DNAJB6: variants seen among roughly 807,000 people sequenced by gnomAD.
DNAJB6 encodes the protein DnaJ heat shock protein family (Hsp40) member B6, also known as dnaJ homolog subfamily B member 6.
In DNAJB6, 16 loss-of-function variants were observed where a neutral mutation model predicts 42.7. The observed-to-expected ratio is 0.37, with a 90% confidence interval of 0.25 to 0.57. The LOEUF (loss-of-function observed/expected upper bound fraction) is 0.57, where lower values mean the gene tolerates loss of function less well. Ranked by LOEUF, DNAJB6 falls within the 20% of genes least tolerant of loss-of-function variation. The pLI is 0.74. For synonymous variants in DNAJB6, 170 were observed against 163.5 expected (o/e 1.04, Z -0.30); for missense variants, 347 against 416.8 (o/e 0.83, Z 1.46).
chr7:157,374,421 G>A lies in DNAJB6; in HGVS notation c.346+6938G>A, dbSNP rs938441471. Among the ~76,000 whole-genome samples the A allele has an allele frequency of 5.3e-5, 8 of 152,066 alleles. No individual in the cohort carries two copies. The South Asian group carries it at 8.3e-4, about 16-fold the overall frequency. ...ATTACAGACATGTGCCACCGCGCCC[G>A]GCTAATTTTGTATTTTTATGAGAGA... On this transcript the variant is annotated intron_variant, in intron 5 of 9. Coordinates refer to ENST00000262177, the MANE Select transcript of DNAJB6 (RefSeq NM_058246.4).
chr7:157,381,922 C>A, intron 5 of DNAJB6: 1 of 175,794 alleles, frequency 5.7e-6, no homozygotes, highest in Non-Finnish European at 1.2e-5. Context: ...GCGTCTTGAC[C>A]TCACATCAGT....
At chr7:157,354,504 A>G (rs1298661478) in intron 1 of DNAJB6, among the ~76,000 whole-genome samples, 1 of 151,704 alleles carries the variant, frequency 6.6e-6, no homozygotes, top group Non-Finnish European at 1.5e-5. Flanking sequence ...TTTTGGAGAC[A>G]GGTCTCGCTC....
chr7:157,366,561 G>A lies in DNAJB6; in HGVS notation c.235G>A (p.Gly79Ser), dbSNP rs1484151180. The A allele has an allele frequency of 1.2e-5, 20 of 1,613,630 alleles. No individual in the cohort carries two copies. The highest frequency in any genetic ancestry group is 1.5e-5 in the Non-Finnish European group (18 of 1,179,806). Residue 79 changes from glycine to serine, a missense_variant and splice_region_variant, in exon 4 of 10, where the codon GGT (glycine) becomes AGT (serine). Around this residue, in one of 3 missense-constraint regions of DNAJB6, gnomAD observed 78 missense variants for 102.1 expected, o/e 0.76. Coordinates refer to ENST00000262177, the MANE Select transcript of DNAJB6 (RefSeq NM_058246.4). Reference protein sequence around the residue: ...GKEGLNGGGGGGSHFDSPFEF... With the variant: ...GKEGLNGGGGSGSHFDSPFEF... ...AGAAGGATTAAATGGTGGAGGAGGA[G>A]GTAAGTACGTGAGTTTTTTCTTTGA...
chr7:157,376,881 G>A (rs1260242129), intron 5 of DNAJB6, among the ~76,000 whole-genome samples: 1 of 152,080 alleles, frequency 6.6e-6, no homozygotes, highest in Non-Finnish European at 1.5e-5. Context: ...CTCCGTCTTG[G>A]GAAAACAAAC....
At chr7:157,401,295 C>G (rs771594259) in intron 8 of DNAJB6, among the ~76,000 whole-genome samples, 6 of 152,228 alleles carry the variant, frequency 3.9e-5, no homozygotes, top group Non-Finnish European at 8.8e-5. Context: ...CTTGGTTCAC[C>G]GCTACCTCCA....
intron 5 of DNAJB6, chr7:157,381,026 C>G (rs1391992041): frequency 6.6e-6 from 1 of 151,294 alleles, no homozygotes; most frequent in Non-Finnish European, 1.5e-5. Flanking sequence ...GAGACAAAGT[C>G]TTGCTGTGTT....
chr7:157,379,559 T>G (rs566189578), intron 5 of DNAJB6: 1 of 152,192 alleles, frequency 6.6e-6, no homozygotes, highest in African/African-American at 2.4e-5. Flanking sequence ...TGATCATAGC[T>G]CCCTGCAGCC....
intron 5 of DNAJB6, chr7:157,380,999 AT>A (rs10715969): frequency 0.56 from 82,748 of 148,630 alleles, 22,961 homozygotes; most frequent in East Asian, 0.76. Flanking sequence ...TAGTCACTGC[AT>A]TTTTTTTTTT....
At chr7:157,367,322 C>T in intron 4 of DNAJB6, 51 bp from the exon 5 acceptor site, 2 of 1,196,688 alleles carry the variant, frequency 1.7e-6, no homozygotes, top group Non-Finnish European at 2.5e-6. Flanking sequence ...GAATTCTTTG[C>T]CTACAAAGCA....
chr7:157,349,260 TTATAAA>T (rs1798848450), intron 1 of DNAJB6, among the ~76,000 whole-genome samples: 1 of 152,170 alleles, frequency 6.6e-6, no homozygotes, highest in Non-Finnish European at 1.5e-5. Context: ...ATAGTGTGTG[TTATAAA>T]TAGTAAGTTT....
intron 5 of DNAJB6, chr7:157,378,633 G>C (rs543416777): frequency 6.6e-6 from 1 of 152,334 alleles, no homozygotes; most frequent in African/African-American, 2.4e-5. Context: ...TTGCTTGCCT[G>C]TGCATGGTTA....
Position 157,369,308 on chromosome 7 carries a change from G to T in DNAJB6, c.346+1825G>T, listed in dbSNP as rs1584908161. The T allele has an allele frequency of 3.1e-5, 14 of 456,686 alleles. No individual in the cohort carries two copies. The East Asian group carries it at 9.7e-4, about 32-fold the overall frequency. The allele number at this position is 456,686 out of a possible 1,614,324, so 28.3% of individuals were successfully genotyped here. ...ACGGATTGATCTCTGTCTTAAAAAT[G>T]ACCTTTGCATCTTGCTGTAGCCTTC... is the stretch of plus-strand genomic sequence containing the variant. On this transcript the variant is annotated intron_variant, in intron 5 of 9. Transcript: ENST00000262177.
At chr7:157,401,071 C>T (rs369477891) in intron 8 of DNAJB6, among the ~76,000 whole-genome samples, 4 of 152,266 alleles carry the variant, frequency 2.6e-5, no homozygotes, top group South Asian at 2.1e-4. Flanking sequence ...CGGCAGCTGT[C>T]GGCCTCCTCG....
At chr7:157,382,404 GTTATC>G (rs765174551) in intron 6 of DNAJB6, 27 bp downstream of exon 6, 9 of 1,585,654 alleles carry the variant, frequency 5.7e-6, no homozygotes, top group South Asian at 1.1e-5. Context: ...TTTAATCTCT[GTTATC>G]TTAACAGCAG....
intron 8 of DNAJB6, among the ~76,000 whole-genome samples, chr7:157,402,005 T>C (rs1795538516): frequency 6.6e-6 from 1 of 152,210 alleles, no homozygotes; most frequent in Middle Eastern, 3.2e-3. Flanking sequence ...CTCCTTCCCC[T>C]GCGGTCGCTG....
chr7:157,350,393 T>A (rs1196823056), intron 1 of DNAJB6, among the ~76,000 whole-genome samples: 1 of 152,172 alleles, frequency 6.6e-6, no homozygotes, highest in South Asian at 2.1e-4. Flanking sequence ...ATTGAACCTG[T>A]ATCGCATAAT....
At chr7:157,369,603 T>TAGGCCCCTTCTTAACATTATTATTAAAC (rs1800018412) in intron 5 of DNAJB6, 1 of 309,962 alleles carries the variant, frequency 3.2e-6, no homozygotes, top group African/African-American at 2.6e-5. Flanking sequence ...TATTATTAAA[T>TAGGCCCCTTCTTAACATTATTATTAAAC]AGGCCCCTTC....
intron 1 of DNAJB6, among the ~76,000 whole-genome samples, chr7:157,348,037 C>T (rs1161320418): frequency 6.6e-6 from 1 of 151,768 alleles, no homozygotes; most frequent in Non-Finnish European, 1.5e-5. Context: ...CTCAGGTGAT[C>T]CACCTACCTC....
chr7:157,344,370 A>G lies in DNAJB6; in HGVS notation c.-27+7226A>G, dbSNP rs553200763. 1.2e-3 allele frequency among the ~76,000 whole-genome samples: 177 copies of G among 151,462 alleles called. 1 individual carries two copies. Among genetic ancestry groups the G allele is most frequent in the African/African-American group, 4.2e-3 (174 of 41,320 alleles). ...GTCTCAAAAAAAAAAAAAAATAGCC[A>G]GGCATTGTGGGACACACCTGTAGTC... On this transcript the variant is annotated intron_variant, in intron 1 of 9. Transcript: ENST00000262177.
Sources: allele counts gnomAD v4.1 joint callset (sites outside exome capture counted in the v4.1 genomes callset), GRCh38; gene constraint gnomAD v4.1.1; regional missense constraint gnomAD v4.1.1; transcripts MANE v1.5; gene names NCBI Gene and HGNC (gene_info 2026-07-23, HGNC 2026-07-21).